ICA1: variants seen among roughly 807,000 people sequenced by gnomAD.
ICA1 encodes 69 kDa islet cell autoantigen.
In ICA1, 40 loss-of-function variants were observed where a neutral mutation model predicts 71.0. The observed-to-expected ratio is 0.56, with a 90% CI of 0.44 to 0.73. ICA1 has a LOEUF of 0.73. Ranked by LOEUF, ICA1 falls within the 30% of genes least tolerant of loss-of-function variation. ICA1 has a pLI of 0.00. For synonymous variants in ICA1, 207 were observed against 209.5 expected (o/e 0.99, Z 0.10); for missense variants, 578 against 576.5 (o/e 1.00, Z -0.03).
rs1359465620 is a variant in ICA1, at chr7:8,228,589, T to C, written c.256+12A>G. 3 of 1,517,096 alleles carry C rather than the reference T, an allele frequency of 2.0e-6. No homozygotes were observed. Among genetic ancestry groups the C allele is most frequent in the Middle Eastern group, 1.7e-4 (1 of 5,870 alleles). 94.0% of individuals were successfully genotyped at this position (1,517,096 alleles called of 1,614,324 possible). A position where few individuals can be genotyped will look rare whatever the true frequency, so the allele number is the denominator to read the frequency against. ...ACTATTTGATCAATATTCATACTGA[T>C]GTCATACTTACAACATATCCTCTTT... On this transcript the variant is annotated intron_variant, in intron 4 of 13. Transcript: ENST00000402384.
intron 4 of ICA1, chr7:8,227,787 T>A: frequency 4.7e-6 from 2 of 424,382 alleles, no homozygotes; most frequent in South Asian, 1.7e-5. Context: ...GGTCTCACTT[T>A]GTTGCCCAGG....
At chr7:8,186,032 T>C (rs1391985045) in intron 6 of ICA1, among the ~76,000 whole-genome samples, 1 of 152,164 alleles carries the variant, frequency 6.6e-6, no homozygotes, top group Non-Finnish European at 1.5e-5. Flanking sequence ...AAGTGTTAGG[T>C]GGCAAAAGAG....
chr7:8,162,036 T>C (rs1248124308), intron 6 of ICA1, among the ~76,000 whole-genome samples: 1 of 152,214 alleles, frequency 6.6e-6, no homozygotes, highest in African/African-American at 2.4e-5. Flanking sequence ...CTGGCCTACT[T>C]ATATGGAACC....
intron 8 of ICA1, among the ~76,000 whole-genome samples, chr7:8,145,691 G>A (rs1375546978): frequency 6.8e-6 from 1 of 147,520 alleles, no homozygotes; most frequent in Non-Finnish European, 1.5e-5. Flanking sequence ...AAATGATGAT[G>A]ATTTTCATAT....
intron 6 of ICA1, among the ~76,000 whole-genome samples, chr7:8,196,564 G>A (rs903057713): frequency 6.6e-6 from 1 of 152,136 alleles, no homozygotes; most frequent in African/African-American, 2.4e-5. Context: ...CTGCACTGAT[G>A]GGGGATGCTG....
At chr7:8,244,709 C>G (rs1453799799) in intron 1 of ICA1, among the ~76,000 whole-genome samples, 1 of 152,016 alleles carries the variant, frequency 6.6e-6, no homozygotes, top group Non-Finnish European at 1.5e-5. Flanking sequence ...AACAAATTTA[C>G]AAGAAAAAAG....
chr7:8,205,385 T>C (rs1732588313), intron 6 of ICA1, among the ~76,000 whole-genome samples: 1 of 152,194 alleles, frequency 6.6e-6, no homozygotes, highest in South Asian at 2.1e-4. Flanking sequence ...GTATGCCACA[T>C]AGTCTCTAGT....
At chr7:8,126,101 T>C (rs1213291993) in intron 13 of ICA1, among the ~76,000 whole-genome samples, 1 of 152,226 alleles carries the variant, frequency 6.6e-6, no homozygotes, top group African/African-American at 2.4e-5. Context: ...TGCTGATGTG[T>C]GTGCATGGGC....
chr7:8,165,234 T>C (rs1805469336), intron 6 of ICA1, among the ~76,000 whole-genome samples: 1 of 152,268 alleles, frequency 6.6e-6, no homozygotes, highest in African/African-American at 2.4e-5. Context: ...ACACTTCCTT[T>C]AATTAACAAT....
intron 13 of ICA1, among the ~76,000 whole-genome samples, chr7:8,125,973 G>A (rs545338173): frequency 1.5e-4 from 23 of 152,282 alleles, no homozygotes; most frequent in South Asian, 4.1e-4. Flanking sequence ...CCCCATGGCC[G>A]CTGCCCTTGT....
At chr7:8,184,437 C>T (rs1783244177) in intron 6 of ICA1, among the ~76,000 whole-genome samples, 1 of 152,230 alleles carries the variant, frequency 6.6e-6, no homozygotes, top group African/African-American at 2.4e-5. Flanking sequence ...TTTGAAATAA[C>T]AGCTGAATTC....
chr7:8,221,090 A>C (rs1796907687), intron 5 of ICA1, among the ~76,000 whole-genome samples, 185 bp downstream of exon 5: 1 of 152,190 alleles, frequency 6.6e-6, no homozygotes, highest in Non-Finnish European at 1.5e-5. Context: ...GAGGAAAAAA[A>C]AATCCTATGT....
chr7:8,154,769 A>G (rs1800913039), intron 8 of ICA1, among the ~76,000 whole-genome samples: 1 of 152,248 alleles, frequency 6.6e-6, no homozygotes, highest in Admixed American at 6.5e-5. Flanking sequence ...GAGGGTTGGG[A>G]AGTCACACAA....
In ICA1 at chr7:8,221,242, C is replaced by A. The variant is rs756351463; in HGVS notation, c.380+33G>T. 15 of 1,612,016 alleles carry A rather than the reference C, an allele frequency of 9.3e-6. No homozygotes were observed. The East Asian group carries it at 1.8e-4, about 19-fold the overall frequency. ...GTGGGTCCCGGAGTCTCCTCAGATC[C>A]CCCCAGATAGAACCCCACTAAAGGC... On this transcript the variant is annotated intron_variant, in intron 5 of 13. Transcript: ENST00000402384.
intron 12 of ICA1, among the ~76,000 whole-genome samples, chr7:8,134,057 A>G (rs923448258): frequency 7.2e-5 from 11 of 152,076 alleles, no homozygotes; most frequent in African/African-American, 2.7e-4. Context: ...CCTATTAAGG[A>G]TCTCATGTAT....
chr7:8,143,410 C>A (rs1265357825), intron 9 of ICA1, among the ~76,000 whole-genome samples: 2 of 152,222 alleles, frequency 1.3e-5, no homozygotes, highest in Non-Finnish European at 2.9e-5. Flanking sequence ...AAATCCAACA[C>A]TTTCATATGA....
chr7:8,218,963 A>G (rs762257748), intron 5 of ICA1: 1 of 223,580 alleles, frequency 4.5e-6, no homozygotes, highest in East Asian at 1.0e-4. Context: ...GCTCACTCCA[A>G]TAGTCACAGA....
chr7:8,198,802 C>T (rs905042312), intron 6 of ICA1, among the ~76,000 whole-genome samples: 5 of 152,052 alleles, frequency 3.3e-5, no homozygotes, highest in African/African-American at 7.2e-5. Context: ...GAAACAACAA[C>T]GTGAAGAGAT....
At chr7:8,194,885 T>C (rs1378174683) in intron 6 of ICA1, among the ~76,000 whole-genome samples, 2 of 152,182 alleles carry the variant, frequency 1.3e-5, no homozygotes, top group African/African-American at 4.8e-5. Flanking sequence ...AAGCACTTAA[T>C]AGGTGCTTCA....
Sources: allele counts gnomAD v4.1 joint callset (sites outside exome capture counted in the v4.1 genomes callset), GRCh38; gene constraint gnomAD v4.1.1; transcripts MANE v1.5; gene names NCBI Gene and HGNC (gene_info 2026-07-23, HGNC 2026-07-21).